Variants in ACOT13 observed in about 807,000 individuals in gnomAD.
ACOT13 encodes the protein acyl-CoA thioesterase 13.
Under a neutral mutation model 11.8 loss-of-function variants are expected in ACOT13, and 10 were observed. The observed-to-expected ratio is 0.85, with a 90% CI of 0.53 to 1.44. The LOEUF (loss-of-function observed/expected upper bound fraction) is 1.44, where lower values mean the gene tolerates loss of function less well. ACOT13 is among the 40% of genes most tolerant of loss of function. ACOT13 has a pLI of 0.00. For missense variants in ACOT13, 172 were observed against 174.1 expected, an observed-to-expected ratio of 0.99 and a Z score of 0.07; for synonymous variants, 53 against 61.0, an observed-to-expected ratio of 0.87 and a Z score of 0.61.
At chr6:24,690,517 G>A (rs540951936) in intron 1 of ACOT13, among the ~76,000 whole-genome samples, 2 of 152,200 alleles carry the variant, frequency 1.3e-5, no homozygotes, top group East Asian at 1.9e-4. Context: ...AGCCTTTGGG[G>A]AAGAAAAATA....
At chr6:24,668,411 G>A (rs767248145) in intron 1 of ACOT13, among the ~76,000 whole-genome samples, 6 of 152,048 alleles carry the variant, frequency 3.9e-5, no homozygotes, top group Non-Finnish European at 8.8e-5. Context: ...ATTAGAGACA[G>A]GGTTTCATCA....
At chr6:24,699,357 C>T (rs1778854590) in intron 2 of ACOT13, among the ~76,000 whole-genome samples, 2 of 152,018 alleles carry the variant, frequency 1.3e-5, no homozygotes, top group South Asian at 4.1e-4. Context: ...CTACAGGCGC[C>T]TGCCACCATG....
At chr6:24,677,770 G>A (rs1778479905) in intron 1 of ACOT13, among the ~76,000 whole-genome samples, 1 of 152,184 alleles carries the variant, frequency 6.6e-6, no homozygotes, top group South Asian at 2.1e-4. Context: ...CGCTGTACCT[G>A]GGAATCCATA....
rs1306881438 is a variant in ACOT13 at position 24,704,917 on chromosome 6, T to TTTC, written c.*3304_*3305insCTT. 1 of 152,090 alleles carries TTTC rather than the reference T, an allele frequency of 6.6e-6. No individual in the cohort carries two copies. The highest frequency in any genetic ancestry group is 2.0e-4 in the East Asian group (1 of 5,118). The allele number at this position is 152,090 out of a possible 1,614,324, so 9.4% of individuals were successfully genotyped here. On this transcript the variant is annotated 3_prime_UTR_variant, in exon 3 of 3. Coordinates refer to ENST00000230048, the MANE Select transcript of ACOT13 (RefSeq NM_018473.4). ...TTCACCTATTTTATTTAGGTTTTCT[T>TTTC]TTTCTTTTTTTCTTTTTTTTTCAAA...
At chr6:24,674,243 G>A (rs1473443155) in intron 1 of ACOT13, among the ~76,000 whole-genome samples, 1 of 152,058 alleles carries the variant, frequency 6.6e-6, no homozygotes, top group African/African-American at 2.4e-5. Flanking sequence ...ATTTATAGTA[G>A]GGACAGGGTT....
chr6:24,694,033 T>C (rs1027121676), intron 1 of ACOT13, among the ~76,000 whole-genome samples: 1 of 152,096 alleles, frequency 6.6e-6, no homozygotes, highest in African/African-American at 2.4e-5. Flanking sequence ...TATGAATGCA[T>C]GAAGTGCAAG....
chr6:24,676,285 G>T (rs1222667729), intron 1 of ACOT13, among the ~76,000 whole-genome samples: 4 of 151,848 alleles, frequency 2.6e-5, no homozygotes, highest in Non-Finnish European at 5.9e-5. Flanking sequence ...AGCTTGATGG[G>T]GATGGCATTG....
intron 1 of ACOT13, among the ~76,000 whole-genome samples, chr6:24,694,230 C>T (rs1010659613): frequency 8.5e-5 from 13 of 152,144 alleles, no homozygotes; most frequent in Admixed American, 2.0e-4. Flanking sequence ...CACATCTGGA[C>T]AGTTCTCTGT....
intron 1 of ACOT13, among the ~76,000 whole-genome samples, chr6:24,695,180 G>A (rs946698054): frequency 1.3e-5 from 2 of 151,976 alleles, no homozygotes; most frequent in African/African-American, 2.4e-5. Flanking sequence ...ATGGTGGCAC[G>A]CACCTGTAGT....
intron 1 of ACOT13, among the ~76,000 whole-genome samples, chr6:24,683,206 AC>A (rs1778580678): frequency 6.6e-6 from 1 of 152,180 alleles, no homozygotes; most frequent in Admixed American, 6.6e-5. Context: ...CCAAATGTGA[AC>A]CCCAAAAATT....
chr6:24,687,324 T>G (rs1173419991), intron 1 of ACOT13: 1 of 629,840 alleles, frequency 1.6e-6, no homozygotes, highest in African/African-American at 1.9e-5. Flanking sequence ...ATATTAAAAC[T>G]TTTGAGTAGT....
intron 1 of ACOT13, chr6:24,687,843 C>A: frequency 1.2e-6 from 1 of 818,024 alleles, no homozygotes; most frequent in Non-Finnish European, 1.8e-6. Context: ...TCCAGAGCAG[C>A]TGGGATTACA....
In ACOT13 at chr6:24,702,628, CTTTT is replaced by C. The variant is rs141582707; in HGVS notation, c.*1017_*1020del. On this transcript the variant is annotated 3_prime_UTR_variant, in exon 3 of 3. Coordinates refer to ENST00000230048, the MANE Select transcript of ACOT13 (RefSeq NM_018473.4). ...AAATGCCAAGCTACACTTGCATTTC[CTTTT>C]TTTAAGATTATGAAACTTCAAAATA... 6 of 152,164 alleles carry C rather than the reference CTTTT, an allele frequency of 3.9e-5. No homozygotes were observed. Among genetic ancestry groups the C allele is most frequent in the East Asian group, 1.9e-4 (1 of 5,188 alleles). 9.4% of individuals were successfully genotyped at this position (152,164 alleles called of 1,614,324 possible).
At chr6:24,698,692 G>A (rs1778839506) in intron 2 of ACOT13, among the ~76,000 whole-genome samples, 1 of 149,956 alleles carries the variant, frequency 6.7e-6, no homozygotes, top group African/African-American at 2.5e-5. Context: ...AGGCTGGAGT[G>A]CAGCGGCACA....
At chr6:24,672,934 T>C (rs1778386464) in intron 1 of ACOT13, among the ~76,000 whole-genome samples, 1 of 152,214 alleles carries the variant, frequency 6.6e-6, no homozygotes, top group South Asian at 2.1e-4. Flanking sequence ...ATGCAGTTTA[T>C]TTTGATTGGC....
chr6:24,675,878 A>G (rs1254468110), intron 1 of ACOT13, among the ~76,000 whole-genome samples: 1 of 152,200 alleles, frequency 6.6e-6, no homozygotes, highest in Non-Finnish European at 1.5e-5. Context: ...TAAGTCTTTA[A>G]TCCATCTTGA....
At position 24,687,367 on chromosome 6, in the gene ACOT13, T is replaced by C. The variant is rs1009377863; in HGVS notation, c.82-10516T>C. The C allele has an allele frequency of 3.8e-6, 4 of 1,045,332 alleles. No homozygotes were observed. In the African/African-American group the frequency reaches 5.0e-5, roughly 13 times the overall value. The allele number at this position is 1,045,332 out of a possible 1,614,324, so 64.8% of individuals were successfully genotyped here. ...TAAATAAATATGCTTAACATTATCG[T>C]GTTTAAGTTAGTTGCCATTGAAACT... On this transcript the variant is annotated intron_variant, in intron 1 of 2. Coordinates refer to ENST00000230048, the MANE Select transcript of ACOT13 (RefSeq NM_018473.4).
intron 1 of ACOT13, among the ~76,000 whole-genome samples, chr6:24,669,302 G>C (rs933010030): frequency 1.3e-5 from 2 of 152,198 alleles, no homozygotes; most frequent in African/African-American, 4.8e-5. Context: ...GGAAAGGCGG[G>C]ACAACTTGAA....
At chr6:24,681,807 C>T (rs1778556292) in intron 1 of ACOT13, among the ~76,000 whole-genome samples, 1 of 152,110 alleles carries the variant, frequency 6.6e-6, no homozygotes, top group South Asian at 2.1e-4. Flanking sequence ...CCATTAGTAC[C>T]TAGGAGGCAG....
Sources: gnomAD v4.1 joint callset for allele counts (sites outside exome capture counted in the v4.1 genomes callset) on GRCh38, gnomAD v4.1.1 for gene constraint, MANE v1.5 for transcripts, NCBI Gene and HGNC (gene_info 2026-07-23, HGNC 2026-07-21) for gene names.